NUBPL: variants seen among roughly 807,000 people sequenced by gnomAD.
NUBPL encodes NUBP iron-sulfur cluster assembly factor, mitochondrial.
Under a neutral mutation model 45.7 loss-of-function variants are expected in NUBPL, and 31 were observed. The ratio of observed to expected loss-of-function variants is 0.68; its 90% confidence interval spans 0.51 to 0.92. NUBPL has a LOEUF of 0.92. Among genes scored for constraint, NUBPL ranks in the 40% least tolerant of loss-of-function variants. The pLI is 0.00. For synonymous variants in NUBPL, 144 were observed against 140.9 expected (o/e 1.02, Z -0.15); for missense variants, 401 against 398.7 (o/e 1.01, Z -0.05).
At chr14:31,640,047 A>T (rs1307122617) in intron 4 of NUBPL, among the ~76,000 whole-genome samples, 2 of 152,168 alleles carry the variant, frequency 1.3e-5, no homozygotes, top group Non-Finnish European at 2.9e-5. Flanking sequence ...TGAGCGAGGC[A>T]GTGCCTCGCC....
chr14:31,578,538 G>A lies in NUBPL; in HGVS notation c.291+13490G>A, dbSNP rs75996401. Among the ~76,000 whole-genome samples, 400 of 152,274 alleles carry A rather than the reference G, an allele frequency of 2.6e-3. 4 individuals are homozygous for A. Among genetic ancestry groups the A allele is most frequent in the East Asian group, 0.01 (52 of 5,180 alleles). On this transcript the variant is annotated intron_variant, in intron 3 of 10. Transcript: ENST00000281081. ...GGTCAATGAGCGTTCAGATGAAAGG[G>A]AAAACACTTTTAAAGAACCTTTATA...
chr14:31,846,829 G>T (rs1004202670), intron 9 of NUBPL, among the ~76,000 whole-genome samples: 1 of 152,036 alleles, frequency 6.6e-6, no homozygotes. Flanking sequence ...GGTGGCGGGC[G>T]CCTGCAGTCC....
chr14:31,765,142 A>T (rs2038888100), intron 6 of NUBPL, among the ~76,000 whole-genome samples: 1 of 152,194 alleles, frequency 6.6e-6, no homozygotes, highest in African/African-American at 2.4e-5. Flanking sequence ...ATATATTCAA[A>T]AAAAAGGTCT....
chr14:31,597,999 TA>T (rs2034328193), intron 3 of NUBPL, among the ~76,000 whole-genome samples: 1 of 152,282 alleles, frequency 6.6e-6, no homozygotes, highest in Middle Eastern at 3.4e-3. Flanking sequence ...CCTCCCTTCT[TA>T]AATCTGATAC....
chr14:31,800,576 A>G (rs1165911997), intron 7 of NUBPL, among the ~76,000 whole-genome samples: 2 of 152,176 alleles, frequency 1.3e-5, no homozygotes, highest in African/African-American at 4.8e-5. Context: ...TTTGCTACAA[A>G]CCTTCAATTT....
intron 7 of NUBPL, among the ~76,000 whole-genome samples, chr14:31,819,731 C>G (rs534210995): frequency 6.6e-6 from 1 of 152,270 alleles, no homozygotes; most frequent in Non-Finnish European, 1.5e-5. Flanking sequence ...GACAATCAAC[C>G]TTTTATAGTA....
chr14:31,578,127 T>C, intron 3 of NUBPL: 1 of 519,768 alleles, frequency 1.9e-6, no homozygotes, highest in Non-Finnish European at 3.5e-6. Flanking sequence ...AGGAATCATT[T>C]TGACTTGGGA....
intron 4 of NUBPL, among the ~76,000 whole-genome samples, chr14:31,650,466 T>C (rs2035972373): frequency 6.6e-6 from 1 of 152,046 alleles, no homozygotes; most frequent in Non-Finnish European, 1.5e-5. Context: ...ATTTTTTGTA[T>C]TTTTAGTAGA....
At chr14:31,734,404 T>C (rs1440201827) in intron 6 of NUBPL, among the ~76,000 whole-genome samples, 1 of 152,172 alleles carries the variant, frequency 6.6e-6, no homozygotes, top group Non-Finnish European at 1.5e-5. Flanking sequence ...CAATCTAACA[T>C]AGAGAACAAT....
intron 4 of NUBPL, among the ~76,000 whole-genome samples, chr14:31,614,916 A>G (rs2034855872): frequency 6.6e-6 from 1 of 152,152 alleles, no homozygotes; most frequent in Admixed American, 6.6e-5. Context: ...ATTTTTTGGA[A>G]GAGATGATTC....
At chr14:31,807,839 A>G (rs1325432307) in intron 7 of NUBPL, among the ~76,000 whole-genome samples, 2 of 152,214 alleles carry the variant, frequency 1.3e-5, no homozygotes, top group Admixed American at 6.5e-5. Context: ...CTTTGTACAT[A>G]TGGCTAGCCA....
chr14:31,745,124 C>A (rs1353151495), intron 6 of NUBPL, among the ~76,000 whole-genome samples: 8 of 151,738 alleles, frequency 5.3e-5, no homozygotes, highest in Non-Finnish European at 1.0e-4. Context: ...CATATGTATA[C>A]ATGCGCCATG....
At position 31,829,678 on chromosome 14, in the gene NUBPL, C is replaced by T. The variant is rs183961556; in HGVS notation, c.693+2964C>T. Among the ~76,000 whole-genome samples, 32 of 152,232 alleles carry T rather than the reference C, an allele frequency of 2.1e-4. No individual in the cohort carries two copies. The East Asian group carries it at 2.1e-3, about 10-fold the overall frequency. The stretch of plus-strand genomic sequence containing the variant: ...AGCTCTCTGTTTTTCCCCCATTTGA[C>T]GTGCATTAGTTACCATGGAAACGAT... On this transcript the variant is annotated intron_variant, in intron 8 of 10. Coordinates refer to ENST00000281081, the MANE Select transcript of NUBPL (RefSeq NM_025152.3).
chr14:31,574,582 CTTTTTTTTTTTTTTTTTTTTTTTGGAGA>C (rs1385282575), intron 3 of NUBPL, among the ~76,000 whole-genome samples: 1 of 66,906 alleles, frequency 1.5e-5, no homozygotes, highest in Non-Finnish European at 2.7e-5. Flanking sequence ...TTCTTTCCTT[CTTTTTTTTTTTTTTTTTTTTTTTGGAGA>C]GATGGAGTCT....
At position 31,562,057 on chromosome 14, in the gene NUBPL, A is replaced by T. The variant is rs886050448; in HGVS notation, c.109-11A>T. ...TTTAAAACGGCTTTTTATTATTATTATTTTTTAAAGTTGTCTGGCGCCGGG... is the reference window on the plus strand; with the variant it reads ...TTTAAAACGGCTTTTTATTATTATTTTTTTTTAAAGTTGTCTGGCGCCGGG... On this transcript the variant is annotated splice_polypyrimidine_tract_variant and intron_variant, in intron 1 of 10. Coordinates refer to ENST00000281081, the MANE Select transcript of NUBPL (RefSeq NM_025152.3). 38 of 1,559,814 alleles carry T rather than the reference A, an allele frequency of 2.4e-5. No homozygotes were observed. The African/African-American group carries it at 4.0e-4, about 16-fold the overall frequency.
intron 6 of NUBPL, among the ~76,000 whole-genome samples, chr14:31,700,025 A>T (rs182577882): frequency 3.0e-4 from 46 of 152,318 alleles, no homozygotes; most frequent in African/African-American, 1.1e-3. Flanking sequence ...ATGTATCCAA[A>T]CATCACATTG....
chr14:31,620,243 A>G (rs897087004), intron 4 of NUBPL, among the ~76,000 whole-genome samples: 1 of 152,014 alleles, frequency 6.6e-6, no homozygotes, highest in Admixed American at 6.6e-5. Context: ...TGTAGCTCAG[A>G]GGAGTTTGTT....
chr14:31,593,387 G>C (rs1161144311), intron 3 of NUBPL, among the ~76,000 whole-genome samples: 1 of 151,964 alleles, frequency 6.6e-6, no homozygotes, highest in East Asian at 1.9e-4. Flanking sequence ...GCTGGGGGGC[G>C]TCTGTAGTCC....
Position 31,600,946 on chromosome 14 carries a change from G to C in NUBPL, c.382+1567G>C, listed in dbSNP as rs541636052. The stretch of plus-strand genomic sequence containing the variant: ...AATTTTTGTATAAGGTGTAAGGAAG[G>C]GATCCAGTTTCAGCTTTCTACATTT... On this transcript the variant is annotated intron_variant, in intron 4 of 10. Transcript: ENST00000281081. Among the ~76,000 whole-genome samples the C allele has an allele frequency of 4.2e-4, 64 of 151,834 alleles. 3 individuals are homozygous for C. The South Asian group carries it at 9.8e-3, about 23-fold the overall frequency.
Sources: gnomAD v4.1 joint callset for allele counts (sites outside exome capture counted in the v4.1 genomes callset) on GRCh38, gnomAD v4.1.1 for gene constraint, MANE v1.5 for transcripts, NCBI Gene and HGNC (gene_info 2026-07-23, HGNC 2026-07-21) for gene names.